The following CENPU variants were observed in gnomAD, a reference collection of about 807,000 sequenced individuals.
CENPU encodes the protein KSHV latent nuclear antigen interacting protein 1.
A neutral mutation model predicts 56.7 loss-of-function variants in CENPU; 46 were observed. That is an observed-to-expected ratio of 0.81 (90% CI 0.64 to 1.04). The LOEUF (loss-of-function observed/expected upper bound fraction) is 1.04, where lower values mean the gene tolerates loss of function less well. CENPU is among the 50% of genes least tolerant of loss of function. CENPU has a pLI of 0.00. For missense variants in CENPU, 510 were observed against 490.1 expected, an observed-to-expected ratio of 1.04 and a Z score of -0.38; for synonymous variants, 166 against 163.0, an observed-to-expected ratio of 1.02 and a Z score of -0.14.
At chr4:184,720,283 G>C (rs1177656547) in intron 4 of CENPU, among the ~76,000 whole-genome samples, 1 of 151,924 alleles carries the variant, frequency 6.6e-6, no homozygotes, top group African/African-American at 2.4e-5. Context: ...AATCTATCAA[G>C]CAGAAGAAAG....
At chr4:184,723,851 A>T (rs1201183659) in intron 4 of CENPU, among the ~76,000 whole-genome samples, 11 of 151,292 alleles carry the variant, frequency 7.3e-5, no homozygotes, top group South Asian at 2.1e-4. Flanking sequence ...CAAAAAAAAA[A>T]AAAAAAAAAA....
intron 1 of CENPU, among the ~76,000 whole-genome samples, chr4:184,732,728 G>A (rs1268421593): frequency 1.3e-5 from 2 of 152,192 alleles, no homozygotes; most frequent in East Asian, 3.8e-4. Flanking sequence ...TCTGGGCCAG[G>A]CGCGGTGGCT....
At chr4:184,712,804 C>T in intron 7 of CENPU, 140 bp downstream of exon 7, 1 of 602,986 alleles carries the variant, frequency 1.7e-6, no homozygotes, top group Non-Finnish European at 2.8e-6. Flanking sequence ...AAATGTTACT[C>T]CAAAGTCACA....
intron 6 of CENPU, among the ~76,000 whole-genome samples, chr4:184,713,442 A>G (rs571351316): frequency 1.3e-5 from 2 of 152,352 alleles, no homozygotes; most frequent in East Asian, 3.9e-4. Flanking sequence ...TCTAAAACAG[A>G]TTAGTTACAT....
chr4:184,730,923 T>C lies in CENPU; in HGVS notation c.93A>G (p.Lys31=). ...KNTLERTHSM[K]DKAGQKCKPI... Reference sequence around the variant, plus strand: ...ACAACACAAAAAGGTAACTTACATCTTTCATGGAATGTGTTCTTTCTAAAG... The same window carrying C: ...ACAACACAAAAAGGTAACTTACATCCTTCATGGAATGTGTTCTTTCTAAAG... Residue 31 remains lysine (K), a synonymous_variant, in exon 2 of 13, where the codon AAA becomes AAG. Transcript: ENST00000281453. 6.3e-7 allele frequency: 1 copy of C among 1,578,918 alleles called. No homozygotes were observed. Among genetic ancestry groups the C allele is most frequent in the South Asian group, 1.2e-5 (1 of 83,664 alleles).
At chr4:184,733,233 G>A (rs1371467060) in intron 1 of CENPU, 4 of 830,436 alleles carry the variant, frequency 4.8e-6, no homozygotes, top group Non-Finnish European at 5.8e-6. Flanking sequence ...TCTGGTCTCG[G>A]TTTCCCCACC....
chr4:184,707,624 G>A (rs765065851), intron 8 of CENPU, among the ~76,000 whole-genome samples: 1 of 152,142 alleles, frequency 6.6e-6, no homozygotes, highest in Non-Finnish European at 1.5e-5. Flanking sequence ...AGTCGCTGAG[G>A]CTGCCCATCC....
intron 6 of CENPU, chr4:184,713,781 C>T (rs893810569): frequency 1.3e-5 from 2 of 152,274 alleles, no homozygotes; most frequent in Non-Finnish European, 2.9e-5. Context: ...GACTACCACC[C>T]CCACTCCACA....
chr4:184,706,150 T>TAAA (rs144354250), intron 8 of CENPU, among the ~76,000 whole-genome samples: 2 of 151,844 alleles, frequency 1.3e-5, no homozygotes, highest in African/African-American at 4.8e-5. Flanking sequence ...AGCCCCACTT[T>TAAA]AAAAAAAAGA....
chr4:184,697,682 C>G lies in CENPU; in HGVS notation c.1108G>C (p.Asp370His). 1 of 1,612,682 alleles carries G rather than the reference C, an allele frequency of 6.2e-7. No homozygotes were observed. Among genetic ancestry groups the G allele is most frequent in the Non-Finnish European group, 8.5e-7 (1 of 1,179,624 alleles). The change falls in exon 12 of 13, where the codon GAT becomes CAT. Residue 370 changes from aspartate (D) to histidine (H), a missense_variant. Coordinates refer to ENST00000281453, the MANE Select transcript of CENPU (RefSeq NM_024629.4). Reference sequence around the variant, plus strand: ...ACGTTTGGTTCTTGAGCTTGAACATCTGAATAATCTTGATAAAGCTGTTTT... The same window carrying G: ...ACGTTTGGTTCTTGAGCTTGAACATGTGAATAATCTTGATAAAGCTGTTTT... ...NLKQLYQDYS[D>H]VQAQEPNVKE...
intron 8 of CENPU, among the ~76,000 whole-genome samples, chr4:184,709,247 G>A (rs182824240): frequency 6.6e-6 from 1 of 152,278 alleles, no homozygotes; most frequent in East Asian, 1.9e-4. Flanking sequence ...CCAGCACTTT[G>A]GGAGGCTGAG....
chr4:184,713,748 G>GA (rs1317439598), intron 6 of CENPU: 2 of 152,286 alleles, frequency 1.3e-5, no homozygotes, highest in Non-Finnish European at 2.9e-5. Context: ...GGAGAAAGGG[G>GA]AAACTTGGAA....
chr4:184,706,235 G>C (rs1181499596), intron 8 of CENPU, among the ~76,000 whole-genome samples: 1 of 152,156 alleles, frequency 6.6e-6, no homozygotes, highest in Non-Finnish European at 1.5e-5. Context: ...CAGTCATGGT[G>C]GCACATGCCT....
intron 4 of CENPU, among the ~76,000 whole-genome samples, chr4:184,724,120 G>A (rs1287090487): frequency 6.6e-6 from 1 of 151,824 alleles, no homozygotes; most frequent in Non-Finnish European, 1.5e-5. Flanking sequence ...AAAAAAATCA[G>A]CTGGGCATGG....
At chr4:184,699,679 GAGACACAGTT>G (rs1760465910) in intron 11 of CENPU, 1 of 1,100,436 alleles carries the variant, frequency 9.1e-7, no homozygotes, top group South Asian at 1.3e-5. Flanking sequence ...TTTTTTTTTT[GAGACACAGTT>G]TCACTCTGTC....
chr4:184,718,494 A>G (rs947668754), intron 4 of CENPU, among the ~76,000 whole-genome samples: 2 of 152,186 alleles, frequency 1.3e-5, no homozygotes, highest in Non-Finnish European at 2.9e-5. Context: ...CAGGAGGTGG[A>G]CGTAGGAGTG....
At chr4:184,733,423 T>G (rs1359582824) in intron 1 of CENPU, 5 of 993,114 alleles carry the variant, frequency 5.0e-6, no homozygotes, top group Non-Finnish European at 6.0e-6. Context: ...AGGCCGGGCC[T>G]TGGATGGCCA....
intron 8 of CENPU, among the ~76,000 whole-genome samples, chr4:184,707,164 T>C (rs1310669679): frequency 6.6e-6 from 1 of 151,084 alleles, no homozygotes; most frequent in Non-Finnish European, 1.5e-5. Flanking sequence ...GCTGGCTCCT[T>C]TCCCCAAGCT....
chr4:184,706,119 GCA>G (rs2150207644), intron 8 of CENPU, among the ~76,000 whole-genome samples: 1 of 151,772 alleles, frequency 6.6e-6, no homozygotes, highest in African/African-American at 2.4e-5. Flanking sequence ...GTGTATTTTA[GCA>G]CAATTAAAAA....
Sources: gnomAD v4.1 joint callset for allele counts (sites outside exome capture counted in the v4.1 genomes callset) on GRCh38, gnomAD v4.1.1 for gene constraint, MANE v1.5 for transcripts, NCBI Gene and HGNC (gene_info 2026-07-23, HGNC 2026-07-21) for gene names.